ATP8A2: variants seen among roughly 807,000 people sequenced by gnomAD.
ATP8A2 encodes the protein ATPase phospholipid transporting 8A2.
In ATP8A2, 100 loss-of-function variants were observed where a neutral mutation model predicts 165.6. The observed-to-expected ratio is 0.60, with a 90% CI of 0.51 to 0.71. The LOEUF (loss-of-function observed/expected upper bound fraction) is 0.71, where lower values mean the gene tolerates loss of function less well. Ranked by LOEUF, ATP8A2 falls within the 30% of genes least tolerant of loss-of-function variation. The probability of loss-of-function intolerance (pLI) is 0.00; values close to 1 mark genes in which losing one functional copy is unlikely to be tolerated. For missense variants in ATP8A2, 1,227 were observed against 1,479.5 expected, an observed-to-expected ratio of 0.83 and a Z score of 2.80; for synonymous variants, 543 against 548.8, an observed-to-expected ratio of 0.99 and a Z score of 0.15.
At chr13:25,965,120 A>G (rs9319261) in intron 34 of ATP8A2, among the ~76,000 whole-genome samples, 9,994 of 152,196 alleles carry the variant, frequency 0.066, 430 homozygotes, top group African/African-American at 0.11. Flanking sequence ...GATCGCACCA[A>G]TTGCACTCCA....
At chr13:25,713,795 T>A (rs1475182) in intron 25 of ATP8A2, among the ~76,000 whole-genome samples, 9,761 of 95,248 alleles carry the variant, frequency 0.1, 976 homozygotes, top group African/African-American at 0.23. Flanking sequence ...CCTGGGGAGC[T>A]AGCAGCTCCC....
chr13:25,768,077 G>C (rs1194376404), intron 25 of ATP8A2, among the ~76,000 whole-genome samples: 3 of 77,786 alleles, frequency 3.9e-5, no homozygotes, highest in Non-Finnish European at 7.3e-5. Flanking sequence ...GTGGTGGCGT[G>C]GGGGGGGGGT....
At chr13:25,611,798 C>T (rs1296132985) in intron 24 of ATP8A2, among the ~76,000 whole-genome samples, 1 of 152,086 alleles carries the variant, frequency 6.6e-6, no homozygotes, top group East Asian at 1.9e-4. Flanking sequence ...TTTAAAATTA[C>T]CATTTTAATG....
At chr13:25,428,818 G>A (rs1032938635) in intron 1 of ATP8A2, among the ~76,000 whole-genome samples, 1 of 152,200 alleles carries the variant, frequency 6.6e-6, no homozygotes, top group Admixed American at 6.5e-5. Context: ...CTATGCATCA[G>A]CTGGAGAAAA....
At chr13:25,453,156 C>A (rs1284321709) in intron 1 of ATP8A2, among the ~76,000 whole-genome samples, 1 of 151,604 alleles carries the variant, frequency 6.6e-6, no homozygotes, top group Non-Finnish European at 1.5e-5. Context: ...ACGAAGTTTT[C>A]GCTCTTGTTG....
chr13:25,632,622 C>T (rs2041269717), intron 24 of ATP8A2, among the ~76,000 whole-genome samples: 1 of 152,200 alleles, frequency 6.6e-6, no homozygotes, highest in Non-Finnish European at 1.5e-5. Flanking sequence ...TGCTACCTTT[C>T]ACCTGATTGG....
intron 1 of ATP8A2, among the ~76,000 whole-genome samples, chr13:25,374,975 T>C (rs2032565934): frequency 6.6e-6 from 1 of 152,234 alleles, no homozygotes; most frequent in African/African-American, 2.4e-5. Flanking sequence ...AAAATAATTC[T>C]GGAATATTTT....
chr13:25,468,852 G>A (rs1248964158), intron 1 of ATP8A2, 125 bp from the exon 2 acceptor site: 44 of 1,452,144 alleles, frequency 3.0e-5, no homozygotes, highest in South Asian at 8.5e-5. Context: ...TACGTAGGCG[G>A]CGTCCGCCTC....
intron 24 of ATP8A2, among the ~76,000 whole-genome samples, chr13:25,685,235 C>T (rs949282616): frequency 2.6e-5 from 4 of 152,190 alleles, no homozygotes; most frequent in African/African-American, 9.7e-5. Context: ...GGCTTCAGTC[C>T]TGCTGCTCCC....
At chr13:25,823,644 T>TAACTTCAGTATA (rs1951234809) in intron 27 of ATP8A2, among the ~76,000 whole-genome samples, 1 of 152,156 alleles carries the variant, frequency 6.6e-6, no homozygotes. Context: ...CTTTGTTACT[T>TAACTTCAGTATA]TTTCTGTCTG....
chr13:25,415,530 A>G (rs1056837873), intron 1 of ATP8A2, among the ~76,000 whole-genome samples: 4 of 152,206 alleles, frequency 2.6e-5, no homozygotes, highest in Non-Finnish European at 4.4e-5. Context: ...CTTGAATTGC[A>G]AAGTGGCTTT....
At chr13:25,496,949 C>T (rs2036696617) in intron 2 of ATP8A2, among the ~76,000 whole-genome samples, 1 of 152,068 alleles carries the variant, frequency 6.6e-6, no homozygotes, top group Admixed American at 6.6e-5. Flanking sequence ...CTGCTCTGGG[C>T]ACGGCTTATG....
intron 24 of ATP8A2, among the ~76,000 whole-genome samples, chr13:25,671,671 G>A (rs1046052759): frequency 2.0e-5 from 3 of 151,768 alleles, no homozygotes; most frequent in South Asian, 2.1e-4. Context: ...ATAAATTTTG[G>A]TCAGACCGGT....
chr13:25,410,382 T>A (rs1307365089), intron 1 of ATP8A2, among the ~76,000 whole-genome samples: 1 of 152,226 alleles, frequency 6.6e-6, no homozygotes, highest in African/African-American at 2.4e-5. Context: ...TATTCCTACA[T>A]AGAAGTTAAT....
At chr13:25,702,641 G>A (rs1347048595) in intron 25 of ATP8A2, among the ~76,000 whole-genome samples, 1 of 152,172 alleles carries the variant, frequency 6.6e-6, no homozygotes, top group Non-Finnish European at 1.5e-5. Flanking sequence ...AGTGCAAATA[G>A]TGAATAAGAG....
chr13:25,651,170 C>T lies in ATP8A2; in HGVS notation c.2212-48003C>T, dbSNP rs1373212684. Reference sequence around the variant, plus strand: ...ATTATTATAAGATTATTCGGCCAGGCGTGGTTGCTCAAACCTGTAATCCCA... The same window carrying T: ...ATTATTATAAGATTATTCGGCCAGGTGTGGTTGCTCAAACCTGTAATCCCA... On this transcript the variant is annotated intron_variant, in intron 24 of 36. Coordinates refer to ENST00000381655, the MANE Select transcript of ATP8A2 (RefSeq NM_016529.6). Among the ~76,000 whole-genome samples the T allele has an allele frequency of 3.3e-5, 5 of 152,272 alleles. No homozygotes were observed. The East Asian group carries it at 5.8e-4, about 18-fold the overall frequency.
chr13:25,818,496 C>G (rs1434688604), intron 27 of ATP8A2, among the ~76,000 whole-genome samples: 1 of 152,166 alleles, frequency 6.6e-6, no homozygotes, highest in Non-Finnish European at 1.5e-5. Context: ...TGATATGAGC[C>G]ATAATATCTT....
chr13:26,005,488 G>T lies in ATP8A2; in HGVS notation c.3378-7043G>T, dbSNP rs1020624123. ...GTTTCCTTCCTTCTGCCAACTTTAG[G>T]CTTAGTTTGTTCTTCCTTTTGTAGT... On this transcript the variant is annotated intron_variant, in intron 35 of 36. Coordinates refer to ENST00000381655, the MANE Select transcript of ATP8A2 (RefSeq NM_016529.6). Among the ~76,000 whole-genome samples, 3 of 151,602 alleles carry T rather than the reference G, an allele frequency of 2.0e-5. No homozygotes were observed. In the South Asian group the frequency reaches 6.2e-4, roughly 32 times the overall value.
At chr13:25,508,880 A>C (rs1312833489) in intron 2 of ATP8A2, among the ~76,000 whole-genome samples, 3 of 152,220 alleles carry the variant, frequency 2.0e-5, no homozygotes, top group African/African-American at 7.2e-5. Flanking sequence ...TGCTTGGGGT[A>C]AGAACACAGT....
Sources: gnomAD v4.1 joint callset for allele counts (sites outside exome capture counted in the v4.1 genomes callset) on GRCh38, gnomAD v4.1.1 for gene constraint, MANE v1.5 for transcripts, NCBI Gene and HGNC (gene_info 2026-07-23, HGNC 2026-07-21) for gene names.